Variants in KLHL14 observed in about 807,000 individuals in gnomAD.
KLHL14 encodes kelch like family member 14.
A neutral mutation model predicts 64.3 loss-of-function variants in KLHL14; 22 were observed. The ratio of observed to expected loss-of-function variants is 0.34; its 90% confidence interval spans 0.24 to 0.49. The LOEUF (loss-of-function observed/expected upper bound fraction) is 0.49, where lower values mean the gene tolerates loss of function less well. Ranked by LOEUF, KLHL14 falls within the 20% of genes least tolerant of loss-of-function variation. The probability of loss-of-function intolerance (pLI) is 0.99; values close to 1 mark genes in which losing one functional copy is unlikely to be tolerated. For missense variants in KLHL14, 661 were observed against 789.0 expected (o/e 0.84, Z 1.94); for synonymous variants, 322 against 333.4 (o/e 0.97, Z 0.37).
Position 32,680,661 on chromosome 18 carries a change from T to G in KLHL14, c.1239-62A>C. 4 of 1,468,384 alleles carry G rather than the reference T, an allele frequency of 2.7e-6. No individual in the cohort carries two copies. The highest frequency in any genetic ancestry group is 3.7e-6 in the Non-Finnish European group (4 of 1,084,590). The allele number at this position is 1,468,384 out of a possible 1,614,324, so 91.0% of individuals were successfully genotyped here. ...AGCTGTGAAATGTTACCTTTCGAAA[T>G]AAGATAAGCACCACACAGCTAGTCA... On this transcript the variant is annotated intron_variant, in intron 5 of 8. Transcript: ENST00000359358. The surrounding 1 kb of genome is among the most constrained non-coding windows in gnomAD (Gnocchi z 4.8).
chr18:32,677,963 C>A (rs1259218595), intron 7 of KLHL14, among the ~76,000 whole-genome samples: 1 of 152,178 alleles, frequency 6.6e-6, no homozygotes, highest in East Asian at 1.9e-4. Context: ...ATATGTTGTT[C>A]AGCATCTTTT....
At chr18:32,703,235 G>A (rs918716320) in intron 3 of KLHL14, among the ~76,000 whole-genome samples, 4 of 152,144 alleles carry the variant, frequency 2.6e-5, no homozygotes, top group African/African-American at 9.7e-5. Context: ...ATAGCATTTA[G>A]GCATAACATA....
chr18:32,705,372 C>T (rs1009016339), intron 3 of KLHL14, among the ~76,000 whole-genome samples: 5 of 152,186 alleles, frequency 3.3e-5, no homozygotes, highest in African/African-American at 9.7e-5. Flanking sequence ...TGTAGCAAAA[C>T]ATCACAGTGT....
At chr18:32,728,312 C>T (rs2050117709) in intron 3 of KLHL14, among the ~76,000 whole-genome samples, 1 of 152,130 alleles carries the variant, frequency 6.6e-6, no homozygotes. Flanking sequence ...TTGGCTCTGC[C>T]ATTTACCATC....
chr18:32,748,365 G>T (rs980376061), intron 2 of KLHL14, among the ~76,000 whole-genome samples: 30 of 104,014 alleles, frequency 2.9e-4, no homozygotes, highest in African/African-American at 9.9e-4. Context: ...TTTGTATTTT[G>T]TATTTTTTAA....
At chr18:32,761,313 C>T (rs8097174) in intron 2 of KLHL14, among the ~76,000 whole-genome samples, 83,253 of 151,320 alleles carry the variant, frequency 0.55, 24,744 homozygotes, top group African/African-American at 0.76. Context: ...TGTATCTATG[C>T]AGTAAATAAT....
intron 3 of KLHL14, among the ~76,000 whole-genome samples, chr18:32,705,238 A>G (rs1449513674): frequency 1.3e-5 from 2 of 152,258 alleles, no homozygotes; most frequent in Non-Finnish European, 2.9e-5. Flanking sequence ...ACAGTTAACA[A>G]TAACATATTA....
At position 32,734,912 on chromosome 18, in the gene KLHL14, G is replaced by A. The variant is rs1439868867; in HGVS notation, c.1069+7016C>T. On this transcript the variant is annotated intron_variant, in intron 3 of 8. Transcript: ENST00000359358. The stretch of plus-strand genomic sequence containing the variant: ...TGTGTGTGTGTGTGTGCGTGCACGC[G>A]CACACATGCTCTTTGATGCTATGTT... Among the ~76,000 whole-genome samples the A allele has an allele frequency of 4.6e-5, 7 of 152,076 alleles. No homozygotes were observed. In the South Asian group the frequency reaches 1.2e-3, roughly 27 times the overall value.
intron 3 of KLHL14, among the ~76,000 whole-genome samples, chr18:32,722,335 A>G (rs992138655): frequency 6.6e-6 from 1 of 152,192 alleles, no homozygotes; most frequent in Admixed American, 6.5e-5. Context: ...TTTACCAGAA[A>G]CAGCCTCAAG....
chr18:32,740,149 G>A (rs887545689), intron 3 of KLHL14, among the ~76,000 whole-genome samples: 4 of 152,082 alleles, frequency 2.6e-5, no homozygotes, highest in Non-Finnish European at 5.9e-5. Context: ...CAAGCAGAGC[G>A]TTAATTCAGG....
At position 32,695,520 on chromosome 18, in the gene KLHL14, C is replaced by T. The variant is rs200543658; in HGVS notation, c.1102G>A (p.Val368Met). The T allele has an allele frequency of 6.8e-6, 11 of 1,611,608 alleles. No homozygotes were observed. In the East Asian group the frequency reaches 2.5e-4, roughly 36 times the overall value. Reference sequence around the variant, plus strand: ...ACGAACAAGAAGTTTTCCACCTCCACAACGCAGTGGTGGGCACTGTTGTAT... The same window carrying T: ...ACGAACAAGAAGTTTTCCACCTCCATAACGCAGTGGTGGGCACTGTTGTAT... ...MPYNSAHHCV[V>M]EVENFLFVLG... is the part of the protein sequence containing the mutation. Residue 368 changes from valine to methionine, a missense_variant, in exon 4 of 9, where the codon GTG becomes ATG. Val to Met is a conservative substitution (Grantham distance 21). Transcript: ENST00000359358.
rs916289141 is a variant in KLHL14 at position 32,680,560 on chromosome 18, T to C, written c.1278A>G (p.Leu426=). The C allele has an allele frequency of 1.2e-6, 2 of 1,613,298 alleles. No individual in the cohort carries two copies. Among genetic ancestry groups the C allele is most frequent in the Admixed American group, 3.3e-5 (2 of 59,844 alleles). The change falls in exon 6 of 9, where the codon TTA becomes TTG. Residue 426 remains leucine, a synonymous_variant. Coordinates refer to ENST00000359358, the MANE Select transcript of KLHL14 (RefSeq NM_020805.3). The surrounding 1 kb of genome is among the most constrained non-coding windows in gnomAD (Gnocchi z 4.8). ...SFYACRLDKH[L]YVIGGRNETG... is the part of the protein sequence containing the mutation. ...TTTCATTCCTTCCACCAATTACGTATAAATGCTTGTCCAACCGACATGCAT... is the reference window on the plus strand; with the variant it reads ...TTTCATTCCTTCCACCAATTACGTACAAATGCTTGTCCAACCGACATGCAT...
In KLHL14 at chr18:32,770,099, G is replaced by A. The variant is rs773714175; in HGVS notation, c.493C>T (p.His165Tyr). The change falls in exon 2 of 9, where the codon CAC (histidine) becomes TAC (tyrosine). Residue 165 changes from histidine to tyrosine, a missense_variant. His to Tyr is a moderately conservative substitution (Grantham distance 83). Transcript: ENST00000359358. This position sits in a 1 kb window ranked among gnomAD's most constrained non-coding sequence, Gnocchi z 6.7. Reference protein sequence around the residue: ...EEVLSVSKILHIPQVTKLCVQ... With the variant: ...EEVLSVSKILYIPQVTKLCVQ... ...CAGAGCTTGGTGACCTGGGGGATGTGCAGGATCTTGCTGACCGACAGCACC... is the reference window on the plus strand; with the variant it reads ...CAGAGCTTGGTGACCTGGGGGATGTACAGGATCTTGCTGACCGACAGCACC... The A allele has an allele frequency of 4.2e-5, 67 of 1,614,042 alleles. No homozygotes were observed. The highest frequency in any genetic ancestry group is 5.2e-5 in the Non-Finnish European group (61 of 1,180,030).
intron 3 of KLHL14, among the ~76,000 whole-genome samples, chr18:32,728,496 G>A (rs1186834845): frequency 6.6e-6 from 1 of 152,128 alleles, no homozygotes; most frequent in African/African-American, 2.4e-5. Flanking sequence ...CATTCTCTAG[G>A]TGTAATGAGT....
At chr18:32,705,107 G>A (rs1278859089) in intron 3 of KLHL14, among the ~76,000 whole-genome samples, 1 of 152,172 alleles carries the variant, frequency 6.6e-6, no homozygotes. Flanking sequence ...GCCAGGCCTT[G>A]GGCAAGGCCC....
intron 3 of KLHL14, among the ~76,000 whole-genome samples, chr18:32,704,778 G>C (rs1284151675): frequency 6.6e-6 from 1 of 152,126 alleles, no homozygotes; most frequent in Non-Finnish European, 1.5e-5. Context: ...AATATGTACT[G>C]TACTGTGTAC....
At chr18:32,708,067 C>T (rs1338235732) in intron 3 of KLHL14, among the ~76,000 whole-genome samples, 4 of 152,062 alleles carry the variant, frequency 2.6e-5, no homozygotes, top group African/African-American at 9.7e-5. Context: ...GTTTGAAAAT[C>T]GGTGGCTGAA....
rs577383096 is a variant in KLHL14 at position 32,720,673 on chromosome 18, G to A, written c.1069+21255C>T. 2.7e-5 allele frequency among the ~76,000 whole-genome samples: 4 copies of A among 145,840 alleles called. No homozygotes were observed. In the East Asian group the frequency reaches 7.8e-4, roughly 28 times the overall value. On this transcript the variant is annotated intron_variant, in intron 3 of 8. Transcript: ENST00000359358. ...ATGCGGCCAAACACTAATGCTTCAAGAGTAACTAGAATAAAAAAGGCATCC... is the reference window on the plus strand; with the variant it reads ...ATGCGGCCAAACACTAATGCTTCAAAAGTAACTAGAATAAAAAAGGCATCC...
chr18:32,704,242 T>A (rs2049979510), intron 3 of KLHL14, among the ~76,000 whole-genome samples: 1 of 152,180 alleles, frequency 6.6e-6, no homozygotes, highest in Admixed American at 6.6e-5. Flanking sequence ...TAGTTTAAAT[T>A]ATCTTAGATG....
Sources: allele counts gnomAD v4.1 joint callset (sites outside exome capture counted in the v4.1 genomes callset), GRCh38; gene constraint gnomAD v4.1.1; non-coding constraint Gnocchi (gnomAD v3.1); transcripts MANE v1.5; gene names NCBI Gene and HGNC (gene_info 2026-07-23, HGNC 2026-07-21).